Variants in RARB observed in about 807,000 individuals in gnomAD.
The protein encoded by RARB is HBV-activated protein.
A neutral mutation model predicts 51.9 loss-of-function variants in RARB; 17 were observed. The ratio of observed to expected loss-of-function variants is 0.33; its 90% CI spans 0.22 to 0.49. The LOEUF (loss-of-function observed/expected upper bound fraction) is 0.49, where lower values mean the gene tolerates loss of function less well. Among genes scored for constraint, RARB ranks in the 20% least tolerant of loss-of-function variants. The pLI, the probability that RARB is intolerant of heterozygous loss-of-function variation, is 0.99. For synonymous variants in RARB, 215 were observed against 195.4 expected, an observed-to-expected ratio of 1.10 and a Z score of -0.84; for missense variants, 369 against 550.8, an observed-to-expected ratio of 0.67 and a Z score of 3.30.
At chr3:25,043,767 G>C (rs1698159142) in intron 2 of RARB, among the ~76,000 whole-genome samples, 1 of 152,158 alleles carries the variant, frequency 6.6e-6, no homozygotes, top group African/African-American at 2.4e-5. Context: ...AGATGCCGAA[G>C]TCACCGATAG....
At chr3:25,419,696 C>T (rs961017459) in intron 5 of RARB, among the ~76,000 whole-genome samples, 4 of 152,116 alleles carry the variant, frequency 2.6e-5, no homozygotes, top group African/African-American at 9.7e-5. Context: ...GGGTGTGAAG[C>T]CCTGGAAGCA....
intron 5 of RARB, among the ~76,000 whole-genome samples, chr3:25,338,628 A>G (rs1698420117): frequency 1.3e-5 from 2 of 152,208 alleles, no homozygotes; most frequent in African/African-American, 4.8e-5. Flanking sequence ...TCAGCAAACC[A>G]AACTCATCTG....
At chr3:25,127,675 C>A (rs963765777) in intron 3 of RARB, among the ~76,000 whole-genome samples, 2 of 151,780 alleles carry the variant, frequency 1.3e-5, no homozygotes, top group Non-Finnish European at 2.9e-5. Flanking sequence ...AGAAAAGAAA[C>A]GAAGGAGCGA....
intron 5 of RARB, among the ~76,000 whole-genome samples, chr3:25,264,223 G>C (rs948510910): frequency 6.6e-6 from 1 of 152,094 alleles, no homozygotes; most frequent in African/African-American, 2.4e-5. Flanking sequence ...AACCTGAATG[G>C]TTTGTAATCT....
At chr3:24,998,497 A>G (rs746126072) in intron 2 of RARB, among the ~76,000 whole-genome samples, 57 of 152,198 alleles carry the variant, frequency 3.7e-4, no homozygotes, top group Middle Eastern at 3.4e-3. Context: ...TGCCTTAAAA[A>G]AAAAAATGGA....
rs1277834394 is a variant in RARB at position 25,109,493 on chromosome 3, G to GT, written c.-327-22661dup. Among the ~76,000 whole-genome samples, 10 of 152,206 alleles carry GT rather than the reference G, an allele frequency of 6.6e-5. No homozygotes were observed. In the East Asian group the frequency reaches 9.7e-4, roughly 15 times the overall value. ...AGTACAAAAACACTGAAATTTACAT[G>GT]TTTTTTTAAACAGTCTCCTGAAAAG... On this transcript the variant is annotated intron_variant, in intron 3 of 11. Transcript: ENST00000383772.
rs145440689 is a variant in RARB, at chr3:25,096,225, G to A, written c.-327-35936G>A. Among the ~76,000 whole-genome samples the A allele has an allele frequency of 3.7e-4, 57 of 152,240 alleles. No individual in the cohort carries two copies. The East Asian group carries it at 7.2e-3, about 19-fold the overall frequency. ...GTAGCTACTTGGGTTAGGTTTTGTT[G>A]GTCCTTGTGACAATAGTTTGTGAAA... On this transcript the variant is annotated intron_variant, in intron 3 of 11. Coordinates refer to the RARB transcript ENST00000383772.
chr3:25,286,823 A>C lies in RARB; in HGVS notation c.178+112248A>C, dbSNP rs377511247. ...ATTTCACAGAGGAATGAATAGATCC[A>C]TTATCAAGGAGAAAAAGTCCACAGC... On this transcript the variant is annotated intron_variant, in intron 5 of 11. Transcript: ENST00000383772. 6.4e-4 allele frequency among the ~76,000 whole-genome samples: 98 copies of C among 152,242 alleles called. 3 individuals carry two copies. The highest frequency in any genetic ancestry group is 2.9e-3 in the East Asian group (15 of 5,190).
At chr3:25,495,042 A>G (rs1696953896) in intron 2 of RARB, among the ~76,000 whole-genome samples, 1 of 152,192 alleles carries the variant, frequency 6.6e-6, no homozygotes, top group East Asian at 1.9e-4. Context: ...TTAAGGTCAT[A>G]CAGATAGTAA....
intron 5 of RARB, among the ~76,000 whole-genome samples, chr3:25,373,682 T>G (rs1706372139): frequency 6.6e-6 from 1 of 152,150 alleles, no homozygotes; most frequent in Admixed American, 6.6e-5. Flanking sequence ...ACTCTGGTAA[T>G]TAAAAGGGGG....
chr3:25,285,553 A>G (rs907919938), intron 5 of RARB, among the ~76,000 whole-genome samples: 6 of 152,182 alleles, frequency 3.9e-5, no homozygotes, highest in Admixed American at 6.5e-5. Context: ...AACCTGACAG[A>G]CCAATTAAGA....
At chr3:24,918,382 G>C (rs35999749) in intron 2 of RARB, among the ~76,000 whole-genome samples, 25,175 of 152,168 alleles carry the variant, frequency 0.17, 2,150 homozygotes, top group African/African-American at 0.18. Context: ...AGGCAAAGTA[G>C]ATATGAGTTG....
At chr3:25,434,953 CCT>C (rs1559400183) in intron 1 of RARB, among the ~76,000 whole-genome samples, 1 of 152,134 alleles carries the variant, frequency 6.6e-6, no homozygotes, top group Non-Finnish European at 1.5e-5. Context: ...GTTTTCCTCC[CCT>C]TTTTCCTTCT....
chr3:25,310,681 A>G (rs887712863), intron 5 of RARB, among the ~76,000 whole-genome samples: 63 of 151,904 alleles, frequency 4.1e-4, no homozygotes, highest in African/African-American at 1.5e-3. Context: ...TGGGCTGACA[A>G]CCCTCCTTGT....
intron 5 of RARB, among the ~76,000 whole-genome samples, chr3:25,209,098 G>A (rs970436870): frequency 6.6e-5 from 10 of 152,174 alleles, no homozygotes; most frequent in African/African-American, 2.2e-4. Context: ...ATAACAAGTG[G>A]CCACTAATAT....
intron 3 of RARB, among the ~76,000 whole-genome samples, chr3:25,556,420 C>A (rs2125673691): frequency 1.3e-5 from 2 of 152,180 alleles, no homozygotes; most frequent in Middle Eastern, 6.8e-3. Flanking sequence ...GAGAGTGACC[C>A]CTCAATGGCA....
intron 3 of RARB, among the ~76,000 whole-genome samples, chr3:25,062,020 A>G (rs185037696): frequency 5.3e-5 from 8 of 151,918 alleles, no homozygotes; most frequent in Admixed American, 5.2e-4. Context: ...AAATAATAGT[A>G]GAATCAAGAA....
chr3:25,307,503 C>A (rs545751969), intron 5 of RARB, among the ~76,000 whole-genome samples: 11 of 152,304 alleles, frequency 7.2e-5, no homozygotes, highest in Middle Eastern at 3.4e-3. Flanking sequence ...TCCTCAATGG[C>A]ATCTCTGGTC....
chr3:25,081,628 T>A (rs1699005357), intron 3 of RARB, among the ~76,000 whole-genome samples: 5 of 56,396 alleles, frequency 8.9e-5, no homozygotes, highest in African/African-American at 3.2e-4. Context: ...TATATTTTTT[T>A]TTTTTTTTTT....
Sources: allele counts gnomAD v4.1 joint callset (sites outside exome capture counted in the v4.1 genomes callset), GRCh38; gene constraint gnomAD v4.1.1; transcripts MANE v1.5; gene names NCBI Gene and HGNC (gene_info 2026-07-23, HGNC 2026-07-21).